ASL: variants seen among roughly 807,000 people sequenced by gnomAD.
ASL encodes the protein argininosuccinase.
In ASL, 51 loss-of-function variants were observed where a neutral mutation model predicts 69.1. That is an observed-to-expected ratio of 0.74 (90% CI 0.59 to 0.93). ASL has a LOEUF of 0.93. Among genes scored for constraint, ASL ranks in the 40% least tolerant of loss-of-function variants. The pLI is 0.00. For synonymous variants in ASL, 241 were observed against 247.6 expected (o/e 0.97, Z 0.25); for missense variants, 540 against 623.9 (o/e 0.87, Z 1.43).
chr7:66,090,284 A>G (rs571295399), intron 14 of ASL, among the ~76,000 whole-genome samples: 1 of 152,158 alleles, frequency 6.6e-6, no homozygotes, highest in East Asian at 1.9e-4. Flanking sequence ...TTTAAAAAAC[A>G]TTTTTTAGAG....
chr7:66,091,429 G>A (rs796919715), intron 14 of ASL, among the ~76,000 whole-genome samples: 16 of 152,248 alleles, frequency 1.1e-4, no homozygotes, highest in African/African-American at 2.4e-4. Context: ...TCGTGATGGC[G>A]TGTACCTGTG....
chr7:66,081,987 G>A lies in ASL; in HGVS notation c.197G>A (p.Gly66Asp). The part of the protein sequence containing the change: ...TKAEMDQILH[G>D]LDKVAEEWAQ... ...GCCGAGATGGACCAGATACTCCATG[G>A]CCTAGACAAGGTACTTGCCGTGGCC... The change falls in exon 3 of 17, where the codon GGC becomes GAC. Residue 66 changes from glycine (G) to aspartate (D), a missense_variant. Coordinates refer to ENST00000304874, the MANE Select transcript of ASL (RefSeq NM_000048.4). 1 of 1,608,078 alleles carries A rather than the reference G, an allele frequency of 6.2e-7. No individual in the cohort carries two copies. The highest frequency in any genetic ancestry group is 8.5e-7 in the Non-Finnish European group (1 of 1,177,476).
chr7:66,087,652 G>A lies in ASL; in HGVS notation c.656-77G>A. ...TTGCCCCACCCTGATCAGGGGAGGG[G>A]GCTGGGCAACCTAGTTGGGGGAGAG... On this transcript the variant is annotated intron_variant, in intron 9 of 16. Transcript: ENST00000304874. The A allele has an allele frequency of 3.0e-5, 46 of 1,551,126 alleles. 1 individual carries two copies. In the South Asian group the frequency reaches 5.2e-4, roughly 17 times the overall value.
At chr7:66,082,345 G>A (rs199547939) in intron 3 of ASL, 23 bp from the exon 4 acceptor site, 252 of 1,602,724 alleles carry the variant, frequency 1.6e-4, no homozygotes, top group African/African-American at 6.3e-4. Context: ...ACCTGACCCC[G>A]GCATTGCTGC....
chr7:66,082,998 G>A, intron 5 of ASL, 62 bp downstream of exon 5: 2 of 1,611,480 alleles, frequency 1.2e-6, no homozygotes, highest in South Asian at 1.1e-5. Flanking sequence ...CCAGGGGGCA[G>A]TTAGAGTTCT....
rs767360847 is a variant in ASL at position 66,093,380 on chromosome 7, C to T, written c.*468C>T. 6 of 279,492 alleles carry T rather than the reference C, an allele frequency of 2.1e-5. No homozygotes were observed. The highest frequency in any genetic ancestry group is 1.4e-4 in the Admixed American group (3 of 21,438). The allele number at this position is 279,492 out of a possible 1,614,324, so 17.3% of individuals were successfully genotyped here. The stretch of plus-strand genomic sequence containing the variant: ...AAAACTGGGCAAGGGCAATGAGAGT[C>T]GTAGACGGGAAGGGAAGAGGGGGCT... On this transcript the variant is annotated 3_prime_UTR_variant, in exon 17 of 17. Coordinates refer to ENST00000304874, the MANE Select transcript of ASL (RefSeq NM_000048.4).
At chr7:66,085,854 C>T (rs1011638836) in intron 6 of ASL, among the ~76,000 whole-genome samples, 1 of 152,136 alleles carries the variant, frequency 6.6e-6, no homozygotes, top group African/African-American at 2.4e-5. Flanking sequence ...GTGATCTGCC[C>T]GCCTCGGCCT....
Position 66,093,370 on chromosome 7 carries a change from CAATGA to C in ASL, c.*459_*463del. 1 of 290,858 alleles carries C rather than the reference CAATGA, an allele frequency of 3.4e-6. No individual in the cohort carries two copies. Among genetic ancestry groups the C allele is most frequent in the South Asian group, 3.4e-5 (1 of 29,038 alleles). The allele number at this position is 290,858 out of a possible 1,614,324, so 18.0% of individuals were successfully genotyped here. A position where few individuals can be genotyped will look rare whatever the true frequency, so the allele number is the denominator to read the frequency against. ...GGAAGCGGAGAAAACTGGGCAAGGGCAATGAGAGTCGTAGACGGGAAGGGAAGAGG... is the reference window on the plus strand; with the variant it reads ...GGAAGCGGAGAAAACTGGGCAAGGGCGAGTCGTAGACGGGAAGGGAAGAGG... On this transcript the variant is annotated 3_prime_UTR_variant, in exon 17 of 17. Coordinates refer to ENST00000304874, the MANE Select transcript of ASL (RefSeq NM_000048.4).
chr7:66,087,479 T>C (rs1786703719), intron 9 of ASL, 93 bp downstream of exon 9: 2 of 1,446,318 alleles, frequency 1.4e-6, no homozygotes, highest in Admixed American at 3.7e-5. Context: ...CAGGGGCCTG[T>C]GGCTCCTGGT....
At chr7:66,081,738 T>C in intron 2 of ASL, 65 bp from the exon 3 acceptor site, 1 of 1,552,004 alleles carries the variant, frequency 6.4e-7, no homozygotes, top group Admixed American at 1.9e-5. Context: ...TCCCAAAGAC[T>C]CTTTGCAAGA....
At chr7:66,088,987 G>C in intron 11 of ASL, 66 bp downstream of exon 11, 2 of 1,607,430 alleles carry the variant, frequency 1.2e-6, no homozygotes, top group South Asian at 2.2e-5. Context: ...GCCCGCGGAC[G>C]TGGCTGCCTT....
intron 3 of ASL, among the ~76,000 whole-genome samples, 165 bp from the exon 4 acceptor site, chr7:66,082,203 A>G (rs557319995): frequency 1.3e-5 from 2 of 152,138 alleles, no homozygotes; most frequent in South Asian, 2.1e-4. Context: ...GCTCATGGGT[A>G]AAGGTGTGCT....
In ASL at chr7:66,090,680, C is replaced by T. The variant is rs145560874; in HGVS notation, c.1062+985C>T. On this transcript the variant is annotated intron_variant, in intron 14 of 16. Coordinates refer to ENST00000304874, the MANE Select transcript of ASL (RefSeq NM_000048.4). ...CCCAGCTTCAATGATAATCAACTCA[C>T]GGACATCCTGGCTCCAGCTGTCTTT... is the stretch of plus-strand genomic sequence containing the variant. Among the ~76,000 whole-genome samples, 996 of 152,266 alleles carry T rather than the reference C, an allele frequency of 6.5e-3. 10 individuals carry two copies. The highest frequency in any genetic ancestry group is 0.017 in the Middle Eastern group (5 of 294).
At position 66,092,571 on chromosome 7, in the gene ASL, G is replaced by C; in HGVS notation, c.1158G>C (p.Gln386His). 1 of 1,610,318 alleles carries C rather than the reference G, an allele frequency of 6.2e-7. No homozygotes were observed. Among genetic ancestry groups the C allele is most frequent in the Non-Finnish European group, 8.5e-7 (1 of 1,179,964 alleles). Residue 386 changes from glutamine to histidine, a missense_variant, in exon 16 of 17, where the codon CAG (glutamine) becomes CAC (histidine). Gln to His is a conservative substitution (Grantham distance 24). Transcript: ENST00000304874. ...CTGGCACCCAGATGCCATTCCGCCA[G>C]GCCCACGAGGCCTCCGGGAAAGCTG... ...YLVRKGMPFR[Q>H]AHEASGKAVF...
rs1162126459 is a variant in ASL, at chr7:66,093,049, A to G, written c.*137A>G. On this transcript the variant is annotated 3_prime_UTR_variant, in exon 17 of 17. Coordinates refer to ENST00000304874, the MANE Select transcript of ASL (RefSeq NM_000048.4). ...CAGTCAGGGACTGGAGAGGCAGGGC[A>G]GGGTGGCCTGTAATCCCAGCACTTT... 2.1e-6 allele frequency: 3 copies of G among 1,424,596 alleles called. No homozygotes were observed. Among genetic ancestry groups the G allele is most frequent in the Non-Finnish European group, 2.9e-6 (3 of 1,051,910 alleles). The allele number at this position is 1,424,596 out of a possible 1,614,324, so 88.2% of individuals were successfully genotyped here.
intron 2 of ASL, among the ~76,000 whole-genome samples, 174 bp from the exon 3 acceptor site, chr7:66,081,629 T>G (rs959165850): frequency 2.0e-5 from 3 of 151,714 alleles, no homozygotes; most frequent in Non-Finnish European, 4.4e-5. Context: ...CATGTTCCCA[T>G]GCTCACTCCC....
chr7:66,087,399 G>T lies in ASL; in HGVS notation c.655+13G>T. On this transcript the variant is annotated intron_variant, in intron 9 of 16. Coordinates refer to ENST00000304874, the MANE Select transcript of ASL (RefSeq NM_000048.4). ...CTGCTCCGAGCAGGTGAGACGTCCT[G>T]CCCCTCCTCCCCAGGGAGAATCACC... 6.2e-7 allele frequency: 1 copy of T among 1,606,830 alleles called. No homozygotes were observed.
intron 14 of ASL, 107 bp downstream of exon 14, chr7:66,089,802 G>A (rs941259992): frequency 2.4e-6 from 3 of 1,229,178 alleles, no homozygotes; most frequent in Admixed American, 2.0e-5. Context: ...GAGGACCTGG[G>A]GCAGGGAAGG....
rs759449836 is a variant in ASL, at chr7:66,092,947, C to T, written c.*35C>T. 77 of 1,579,442 alleles carry T rather than the reference C, an allele frequency of 4.9e-5. No individual in the cohort carries two copies. Among genetic ancestry groups the T allele is most frequent in the South Asian group, 1.8e-4 (16 of 89,248 alleles). ...CACCTGCCCCCTAATAAAGTGGGCG[C>T]GAGAGGAGGCTGCTGTGTGTTTCCT... On this transcript the variant is annotated 3_prime_UTR_variant, in exon 17 of 17. Coordinates refer to ENST00000304874, the MANE Select transcript of ASL (RefSeq NM_000048.4).
Sources: allele counts gnomAD v4.1 joint callset (sites outside exome capture counted in the v4.1 genomes callset), GRCh38; gene constraint gnomAD v4.1.1; transcripts MANE v1.5; gene names NCBI Gene and HGNC (gene_info 2026-07-23, HGNC 2026-07-21).